SCLY: variants seen among roughly 807,000 people sequenced by gnomAD.
The protein encoded by SCLY is selenocysteine lyase.
Under a neutral mutation model 50.1 loss-of-function variants are expected in SCLY, and 38 were observed. The ratio of observed to expected loss-of-function variants is 0.76; its 90% confidence interval spans 0.59 to 0.99. SCLY has a LOEUF of 0.99. Among genes scored for constraint, SCLY ranks in the 50% least tolerant of loss-of-function variants. SCLY has a pLI of 0.00. For synonymous variants in SCLY, 243 were observed against 249.4 expected (o/e 0.97, Z 0.24); for missense variants, 600 against 620.0 (o/e 0.97, Z 0.34).
At position 238,098,220 on chromosome 2, in the gene SCLY, G is replaced by C. The variant is rs1292508330; in HGVS notation, c.1203G>C (p.Leu401=). The C allele has an allele frequency of 1.9e-6, 3 of 1,610,924 alleles. No homozygotes were observed. The highest frequency in any genetic ancestry group is 2.7e-5 in the African/African-American group (2 of 74,856). The part of the protein sequence containing the change: ...DHGDQPSPVL[L]SYGVPFDVAR... The stretch of plus-strand genomic sequence containing the variant: ...TCCCCAGGCCGTCCCCAGTGCTGCT[G>C]AGCTACGGTGTCCCCTTCGACGTGG... Residue 401 remains leucine (L), a synonymous_variant, in exon 12 of 12, where the codon CTG becomes CTC. Transcript: ENST00000254663.
intron 4 of SCLY, among the ~76,000 whole-genome samples, chr2:238,076,722 T>A (rs1349542991): frequency 1.5e-5 from 2 of 131,200 alleles, no homozygotes; most frequent in South Asian, 2.6e-4. Flanking sequence ...AAAAATAAAT[T>A]AAAAAAAAAA....
Position 238,098,568 on chromosome 2 carries a change from T to TGCCCACATGGGACC in SCLY, c.*222_*235dup, listed in dbSNP as rs1691304800. Reference sequence around the variant, plus strand: ...CCAGGACACCAACGCCGCATAGGACTGCCCACATGGGACCGCCCACATAGG... The same window carrying TGCCCACATGGGACC: ...CCAGGACACCAACGCCGCATAGGACTGCCCACATGGGACCGCCCACATGGGACCGCCCACATAGG... On this transcript the variant is annotated 3_prime_UTR_variant, in exon 12 of 12. Coordinates refer to ENST00000254663, the MANE Select transcript of SCLY (RefSeq NM_016510.7). 43 of 397,552 alleles carry TGCCCACATGGGACC rather than the reference T, an allele frequency of 1.1e-4. 4 individuals are homozygous for TGCCCACATGGGACC. Among genetic ancestry groups the TGCCCACATGGGACC allele is most frequent in the East Asian group, 5.9e-4 (16 of 27,064 alleles). 24.6% of individuals were successfully genotyped at this position (397,552 alleles called of 1,614,324 possible). A position where few individuals can be genotyped will look rare whatever the true frequency, so the allele number is the denominator to read the frequency against.
In SCLY at chr2:238,098,661, A is replaced by AGGAACGCCCACATAG. The variant is rs1691356518; in HGVS notation, c.*307_*308insGAACGCCCACATAGG. On this transcript the variant is annotated 3_prime_UTR_variant, in exon 12 of 12. Transcript: ENST00000254663. The stretch of plus-strand genomic sequence containing the variant: ...ACCGCCCACATGGGACCGCCCACAT[A>AGGAACGCCCACATAG]GAACCGTCCTCCAGTGGTGAAGCGG... The AGGAACGCCCACATAG allele has an allele frequency of 1.5e-5, 3 of 201,438 alleles. No individual in the cohort carries two copies. The highest frequency in any genetic ancestry group is 8.6e-5 in the Admixed American group (1 of 11,610). 12.5% of individuals were successfully genotyped at this position (201,438 alleles called of 1,614,324 possible).
At chr2:238,082,269 A>ACTCCTCG in intron 6 of SCLY, 60 bp downstream of exon 6, 1 of 1,487,662 alleles carries the variant, frequency 6.7e-7, no homozygotes, top group Non-Finnish European at 9.1e-7. Flanking sequence ...GTGGCTGTTT[A>ACTCCTCG]CTCCTCGGTC....
chr2:238,091,536 A>G, intron 8 of SCLY: 1 of 453,928 alleles, frequency 2.2e-6, no homozygotes. Context: ...TGAAGTGTCA[A>G]GCTGCAGGTT....
At chr2:238,082,568 T>C (rs1250436743) in intron 6 of SCLY, among the ~76,000 whole-genome samples, 1 of 152,068 alleles carries the variant, frequency 6.6e-6, no homozygotes, top group African/African-American at 2.4e-5. Flanking sequence ...GGGTGTGGGG[T>C]GGAAGATGTA....
chr2:238,077,560 A>G (rs1329979135), intron 4 of SCLY, among the ~76,000 whole-genome samples: 2 of 152,364 alleles, frequency 1.3e-5, no homozygotes, highest in South Asian at 2.1e-4. Flanking sequence ...CCACCTCAGC[A>G]TAGATGGAAC....
intron 11 of SCLY, among the ~76,000 whole-genome samples, chr2:238,097,852 G>C (rs2065456048): frequency 6.6e-6 from 1 of 152,052 alleles, no homozygotes; most frequent in African/African-American, 2.4e-5. Flanking sequence ...GGCCGCATGG[G>C]TAAGGCACTG....
At chr2:238,062,025 A>G (rs1382148620) in intron 1 of SCLY, among the ~76,000 whole-genome samples, 3 of 152,158 alleles carry the variant, frequency 2.0e-5, no homozygotes, top group Non-Finnish European at 2.9e-5. Flanking sequence ...GATCTGGGAA[A>G]ATATCCCCTA....
At chr2:238,096,234 T>A (rs990406533) in intron 10 of SCLY, 1 of 160,068 alleles carries the variant, frequency 6.2e-6, no homozygotes, top group Non-Finnish European at 1.4e-5. Context: ...AAATATTTTG[T>A]AGAGATAGGG....
chr2:238,088,525 C>T (rs1348073405), intron 7 of SCLY, among the ~76,000 whole-genome samples: 1 of 152,146 alleles, frequency 6.6e-6, no homozygotes, highest in Admixed American at 6.5e-5. Context: ...CCTGTAATCT[C>T]CCAGTACTTT....
chr2:238,093,816 A>C, intron 8 of SCLY, 45 bp from the exon 9 acceptor site: 6 of 1,577,004 alleles, frequency 3.8e-6, no homozygotes, highest in Non-Finnish European at 5.2e-6. Flanking sequence ...GCCCTCCTTT[A>C]TTTTGCAAGA....
At chr2:238,091,561 G>GTCTT in intron 8 of SCLY, 3 of 302,720 alleles carry the variant, frequency 9.9e-6, no homozygotes, top group Non-Finnish European at 1.9e-5. Context: ...ATTCCCAAAG[G>GTCTT]CGTCGGCAGC....
At chr2:238,082,901 C>A in intron 6 of SCLY, 2 of 343,900 alleles carry the variant, frequency 5.8e-6, no homozygotes, top group South Asian at 2.5e-5. Context: ...CAACCCCTCT[C>A]TATTTATGCA....
chr2:238,067,608 A>G lies in SCLY; in HGVS notation c.203-457A>G, dbSNP rs1453252363. On this transcript the variant is annotated intron_variant, in intron 2 of 11. Transcript: ENST00000254663. This position sits in a 1 kb window ranked among gnomAD's most constrained non-coding sequence, Gnocchi z 4.3. ...GTAGCCCAGGTACCCTGTGGGCGACATGCAAAATGAGATATGGCACTGGAC... is the reference window on the plus strand; with the variant it reads ...GTAGCCCAGGTACCCTGTGGGCGACGTGCAAAATGAGATATGGCACTGGAC... Among the ~76,000 whole-genome samples the G allele has an allele frequency of 1.3e-5, 2 of 152,254 alleles. No individual in the cohort carries two copies. The highest frequency in any genetic ancestry group is 2.9e-5 in the Non-Finnish European group (2 of 68,046).
intron 3 of SCLY, among the ~76,000 whole-genome samples, chr2:238,068,710 CATT>C (rs1343491500): frequency 6.6e-6 from 1 of 152,216 alleles, no homozygotes; most frequent in Non-Finnish European, 1.5e-5. Context: ...GTTTCCCCGT[CATT>C]GTTGCCCTGG....
intron 7 of SCLY, among the ~76,000 whole-genome samples, chr2:238,085,345 T>C (rs2065282639): frequency 1.3e-5 from 2 of 151,748 alleles, no homozygotes; most frequent in Admixed American, 1.3e-4. Context: ...ATGGGCTTAA[T>C]AGAAAAATAA....
chr2:238,065,675 A>ATTATTATTG (rs1419144628), intron 2 of SCLY, among the ~76,000 whole-genome samples: 1 of 147,504 alleles, frequency 6.8e-6, no homozygotes, highest in Non-Finnish European at 1.5e-5. Flanking sequence ...TATTATTATT[A>ATTATTATTG]TTATTATTAT....
rs1691331927 is a variant in SCLY at position 238,098,623 on chromosome 2, C to CCGCCCACATGGGACCGCCCACATGGGAA, written c.*295_*296insACGCCCACATGGGACCGCCCACATGGGA. ...CCCACATAGGACCGCCCACATGGGA[C>CCGCCCACATGGGACCGCCCACATGGGAA]CGCCCACATGGGACCGCCCACATGG... On this transcript the variant is annotated 3_prime_UTR_variant, in exon 12 of 12. Transcript: ENST00000254663. The CCGCCCACATGGGACCGCCCACATGGGAA allele has an allele frequency of 2.2e-4, 52 of 239,214 alleles. 1 individual carries two copies. The highest frequency in any genetic ancestry group is 6.7e-4 in the African/African-American group (19 of 28,160). 14.8% of individuals were successfully genotyped at this position (239,214 alleles called of 1,614,324 possible).
Sources: allele counts gnomAD v4.1 joint callset (sites outside exome capture counted in the v4.1 genomes callset), GRCh38; gene constraint gnomAD v4.1.1; non-coding constraint Gnocchi (gnomAD v3.1); transcripts MANE v1.5; gene names NCBI Gene and HGNC (gene_info 2026-07-23, HGNC 2026-07-21).